Variants in FOXO3 observed in about 807,000 individuals in gnomAD.
The protein encoded by FOXO3 is forkhead box O3.
Under a neutral mutation model 41.9 loss-of-function variants are expected in FOXO3, and 4 were observed. That is an observed-to-expected ratio of 0.10 (90% CI 0.05 to 0.22). The LOEUF (loss-of-function observed/expected upper bound fraction) is 0.22, where lower values mean the gene tolerates loss of function less well. Among genes scored for constraint, FOXO3 ranks in the 10% least tolerant of loss-of-function variants. The probability of loss-of-function intolerance (pLI) is 1.00; values close to 1 mark genes in which losing one functional copy is unlikely to be tolerated. For missense variants in FOXO3, 534 were observed against 906.8 expected (o/e 0.59, Z 5.28); for synonymous variants, 318 against 389.3 (o/e 0.82, Z 2.16).
intron 1 of FOXO3, among the ~76,000 whole-genome samples, chr6:108,646,900 G>C (rs1216732543): frequency 6.6e-6 from 1 of 152,214 alleles, no homozygotes; most frequent in Non-Finnish European, 1.5e-5. Context: ...AGAAAGAGAT[G>C]TATCTCTTTT....
chr6:108,606,517 C>T (rs1186282959), intron 1 of FOXO3, among the ~76,000 whole-genome samples: 1 of 152,178 alleles, frequency 6.6e-6, no homozygotes, highest in Non-Finnish European at 1.5e-5. Context: ...AATGTCTTCT[C>T]GAGTTCCAAG....
intron 1 of FOXO3, among the ~76,000 whole-genome samples, chr6:108,636,315 T>C (rs1239663274): frequency 6.6e-6 from 1 of 152,232 alleles, no homozygotes; most frequent in African/African-American, 2.4e-5. Flanking sequence ...AATACAGATG[T>C]CAGATGTCCA....
intron 1 of FOXO3, among the ~76,000 whole-genome samples, chr6:108,606,937 CTTGTTTTTATTT>C (rs1777220817): frequency 6.6e-6 from 1 of 152,104 alleles, no homozygotes; most frequent in East Asian, 1.9e-4. Flanking sequence ...CCAGATGTCT[CTTGTTTTTATTT>C]TTGTTTTTGT....
chr6:108,639,481 C>A, intron 1 of FOXO3: 1 of 859,676 alleles, frequency 1.2e-6, no homozygotes, highest in Non-Finnish European at 1.4e-6. Context: ...TCTTTCTGTG[C>A]TTTGCCCTCA....
chr6:108,585,947 A>G (rs1378072896), intron 1 of FOXO3, among the ~76,000 whole-genome samples: 4 of 152,160 alleles, frequency 2.6e-5, no homozygotes, highest in Non-Finnish European at 5.9e-5. Context: ...GATGAGGGAC[A>G]CATGCCTAAG....
At chr6:108,575,059 G>GGT (rs1190416446) in intron 1 of FOXO3, among the ~76,000 whole-genome samples, 1 of 152,056 alleles carries the variant, frequency 6.6e-6, no homozygotes, top group Non-Finnish European at 1.5e-5. Context: ...GACAACTCTG[G>GGT]GTACAAGCCT....
At chr6:108,653,268 G>C (rs1391008709) in intron 1 of FOXO3, among the ~76,000 whole-genome samples, 1 of 152,148 alleles carries the variant, frequency 6.6e-6, no homozygotes, top group Non-Finnish European at 1.5e-5. Flanking sequence ...TTAATTCAAT[G>C]GTTAAACAGA....
At chr6:108,644,282 C>A (rs550182414) in intron 1 of FOXO3, among the ~76,000 whole-genome samples, 5 of 152,232 alleles carry the variant, frequency 3.3e-5, no homozygotes, top group African/African-American at 1.2e-4. Flanking sequence ...TGAAGACTTA[C>A]AGAGATAGTA....
chr6:108,601,607 C>G (rs1286990414), intron 1 of FOXO3, among the ~76,000 whole-genome samples: 1 of 152,166 alleles, frequency 6.6e-6, no homozygotes, highest in African/African-American at 2.4e-5. Context: ...CCCAGCCCCC[C>G]TTCTATTGCT....
chr6:108,669,365 T>A (rs1237997340), intron 2 of FOXO3, among the ~76,000 whole-genome samples: 2 of 152,208 alleles, frequency 1.3e-5, no homozygotes, highest in African/African-American at 4.8e-5. Context: ...AAAATTTATG[T>A]TGGGGATAGG....
intron 1 of FOXO3, among the ~76,000 whole-genome samples, chr6:108,600,124 C>G (rs1389709663): frequency 6.6e-6 from 1 of 151,968 alleles, no homozygotes; most frequent in Non-Finnish European, 1.5e-5. Context: ...TGTGGCTGAC[C>G]GCGAGGAAAA....
chr6:108,639,460 T>TA, intron 1 of FOXO3: 1 of 708,000 alleles, frequency 1.4e-6, no homozygotes, highest in African/African-American at 1.9e-5. Context: ...AGAAAGCCAA[T>TA]AAGACCATGT....
intron 1 of FOXO3, among the ~76,000 whole-genome samples, chr6:108,635,251 C>T (rs1055517691): frequency 3.3e-5 from 5 of 151,978 alleles, no homozygotes; most frequent in Non-Finnish European, 5.9e-5. Context: ...GCGGAGATCA[C>T]ACCACTGTAC....
chr6:108,564,011 G>T (rs554092796), intron 1 of FOXO3, among the ~76,000 whole-genome samples: 8 of 151,172 alleles, frequency 5.3e-5, no homozygotes, highest in African/African-American at 1.9e-4. Flanking sequence ...TAAAATCTTA[G>T]AAAATACTGT....
chr6:108,658,643 A>C (rs1407408153), intron 1 of FOXO3, among the ~76,000 whole-genome samples: 3 of 151,294 alleles, frequency 2.0e-5, no homozygotes, highest in Admixed American at 1.3e-4. Flanking sequence ...GCGTGGTCTC[A>C]AACTCCTGAT....
At chr6:108,653,307 C>G (rs1264239426) in intron 1 of FOXO3, among the ~76,000 whole-genome samples, 1 of 152,166 alleles carries the variant, frequency 6.6e-6, no homozygotes, top group Non-Finnish European at 1.5e-5. Context: ...TACTATGTAC[C>G]AGGCCCTCTG....
At chr6:108,584,111 G>A (rs1562233599) in intron 1 of FOXO3, among the ~76,000 whole-genome samples, 1 of 152,288 alleles carries the variant, frequency 6.6e-6, no homozygotes, top group Admixed American at 6.5e-5. Flanking sequence ...GTTTCATTCC[G>A]CCGGCACGGT....
At chr6:108,667,409 G>C (rs898595275) in intron 2 of FOXO3, among the ~76,000 whole-genome samples, 1 of 152,158 alleles carries the variant, frequency 6.6e-6, no homozygotes, top group Admixed American at 6.5e-5. Context: ...TTAAAAATAG[G>C]CTTTTAAAGA....
chr6:108,631,440 G>A (rs965269197), intron 1 of FOXO3, among the ~76,000 whole-genome samples: 2 of 152,048 alleles, frequency 1.3e-5, no homozygotes, highest in South Asian at 2.1e-4. Flanking sequence ...TGCCTACCCC[G>A]CAATCCATAT....
Sources: gnomAD v4.1 joint callset for allele counts (sites outside exome capture counted in the v4.1 genomes callset) on GRCh38, gnomAD v4.1.1 for gene constraint, MANE v1.5 for transcripts, NCBI Gene and HGNC (gene_info 2026-07-23, HGNC 2026-07-21) for gene names.